Variants in FAM81A observed in about 807,000 individuals in gnomAD.
The protein encoded by FAM81A is family with sequence similarity 81 member A.
Under a neutral mutation model 46.7 loss-of-function variants are expected in FAM81A, and 19 were observed. The ratio of observed to expected loss-of-function variants is 0.41; its 90% CI spans 0.28 to 0.60. The LOEUF (loss-of-function observed/expected upper bound fraction) is 0.60, where lower values mean the gene tolerates loss of function less well. Ranked by LOEUF, FAM81A falls within the 20% of genes least tolerant of loss-of-function variation. FAM81A has a pLI of 0.34. For synonymous variants in FAM81A, 183 were observed against 152.9 expected (o/e 1.20, Z -1.45); for missense variants, 377 against 453.5 (o/e 0.83, Z 1.53).
intron 2 of FAM81A, among the ~76,000 whole-genome samples, chr15:59,419,844 C>T (rs2081163293): frequency 6.6e-6 from 1 of 152,190 alleles, no homozygotes; most frequent in South Asian, 2.1e-4. Flanking sequence ...CACCACTGTA[C>T]TCAAGCCTGG....
In FAM81A at chr15:59,514,332, G is replaced by C. The variant is rs1425545637; in HGVS notation, c.694G>C (p.Ala232Pro). 6.2e-7 allele frequency: 1 copy of C among 1,613,222 alleles called. No homozygotes were observed. Among genetic ancestry groups the C allele is most frequent in the South Asian group, 1.1e-5 (1 of 91,016 alleles). ...VEELSNQILSARSWLQQEQER... is the reference protein window; with the variant it reads ...VEELSNQILSPRSWLQQEQER... The stretch of plus-strand genomic sequence containing the variant: ...GGAACTCAGTAACCAGATATTATCT[G>C]CACGGAGTTGGTTGCAACAGGAACA... The change falls in exon 7 of 9, where the codon GCA becomes CCA. Residue 232 changes from alanine (A) to proline (P), a missense_variant. Physicochemically the swap from Ala to Pro is conservative, Grantham distance 27. Transcript: ENST00000288228.
In FAM81A at chr15:59,423,438, C is replaced by T. The variant is rs567465202; in HGVS notation, c.-78+21080C>T. Among the ~76,000 whole-genome samples the T allele has an allele frequency of 2.6e-3, 396 of 152,306 alleles. 3 individuals carry two copies. Among genetic ancestry groups the T allele is most frequent in the African/African-American group, 9.4e-3 (389 of 41,564 alleles). ...TATTAACTTTTGATAGAAAAGGACACTGCAGCTCAGAGATTTTAGCAAACT... is the reference window on the plus strand; with the variant it reads ...TATTAACTTTTGATAGAAAAGGACATTGCAGCTCAGAGATTTTAGCAAACT... On this transcript the variant is annotated intron_variant, in intron 2 of 4. Transcript: ENST00000558348.
chr15:59,452,343 A>T (rs1183961253), intron 1 of FAM81A, among the ~76,000 whole-genome samples: 1 of 152,250 alleles, frequency 6.6e-6, no homozygotes, highest in African/African-American at 2.4e-5. Flanking sequence ...ACTATCACAC[A>T]GGCATTAAAG....
chr15:59,412,682 G>A (rs1226030479), intron 2 of FAM81A, among the ~76,000 whole-genome samples: 2 of 150,486 alleles, frequency 1.3e-5, no homozygotes, highest in Non-Finnish European at 3.0e-5. Flanking sequence ...AGCTGTGATC[G>A]CACCATTGCA....
intron 3 of FAM81A, among the ~76,000 whole-genome samples, chr15:59,476,657 G>T (rs913014798): frequency 1.3e-5 from 2 of 151,962 alleles, no homozygotes; most frequent in Non-Finnish European, 2.9e-5. Flanking sequence ...GGGCCTGATG[G>T]CATGTGCCTG....
At chr15:59,410,899 C>T (rs150124189) in intron 2 of FAM81A, among the ~76,000 whole-genome samples, 142 of 152,134 alleles carry the variant, frequency 9.3e-4, no homozygotes, top group African/African-American at 3.3e-3. Context: ...TACAGGCATG[C>T]GTCACCACAC....
intron 2 of FAM81A, among the ~76,000 whole-genome samples, chr15:59,404,082 C>A (rs2081083903): frequency 6.6e-6 from 1 of 151,970 alleles, no homozygotes; most frequent in South Asian, 2.1e-4. Flanking sequence ...GGGGTTTCAC[C>A]ATGTTGGCCA....
At chr15:59,404,257 C>T (rs778443979) in intron 2 of FAM81A, among the ~76,000 whole-genome samples, 1 of 151,986 alleles carries the variant, frequency 6.6e-6, no homozygotes, top group Non-Finnish European at 1.5e-5. Context: ...GGAGACACAC[C>T]TATACACGAG....
At chr15:59,483,919 C>T (rs2081885750) in intron 3 of FAM81A, among the ~76,000 whole-genome samples, 1 of 152,164 alleles carries the variant, frequency 6.6e-6, no homozygotes, top group Non-Finnish European at 1.5e-5. Flanking sequence ...TAGGGGCGGG[C>T]TCGTTCCCCA....
intron 2 of FAM81A, chr15:59,406,861 T>C (rs1191671256): frequency 6.6e-6 from 1 of 151,888 alleles, no homozygotes; most frequent in East Asian, 1.9e-4. Context: ...GTAACTCCAC[T>C]TTTGCAAGAC....
chr15:59,518,368 G>C (rs547927651), intron 8 of FAM81A, among the ~76,000 whole-genome samples: 3 of 152,006 alleles, frequency 2.0e-5, no homozygotes, highest in Admixed American at 6.6e-5. Flanking sequence ...CTGTTGCCTA[G>C]GCCGGGGTGA....
At chr15:59,426,792 C>T (rs957462421) in intron 2 of FAM81A, among the ~76,000 whole-genome samples, 1 of 152,240 alleles carries the variant, frequency 6.6e-6, no homozygotes, top group African/African-American at 2.4e-5. Flanking sequence ...TACACTTCCC[C>T]CCTAAGCTTC....
At chr15:59,499,078 A>G (rs1475930963) in intron 4 of FAM81A, among the ~76,000 whole-genome samples, 1 of 152,174 alleles carries the variant, frequency 6.6e-6, no homozygotes, top group Non-Finnish European at 1.5e-5. Flanking sequence ...GGATTTTATC[A>G]AATGCTTTTT....
intron 3 of FAM81A, among the ~76,000 whole-genome samples, chr15:59,470,159 C>A (rs919398626): frequency 1.3e-5 from 2 of 152,144 alleles, no homozygotes; most frequent in Non-Finnish European, 2.9e-5. Context: ...TTCATTTCAA[C>A]CTTGTGAATC....
At chr15:59,504,095 T>A (rs1233701841) in intron 4 of FAM81A, among the ~76,000 whole-genome samples, 1 of 152,206 alleles carries the variant, frequency 6.6e-6, no homozygotes, top group African/African-American at 2.4e-5. Flanking sequence ...AAGCTTATGT[T>A]TGGACTGGAA....
chr15:59,419,769 G>A (rs2081162902), intron 2 of FAM81A, among the ~76,000 whole-genome samples: 1 of 152,154 alleles, frequency 6.6e-6, no homozygotes. Context: ...AACTACTTGG[G>A]AGGCTGAGGC....
At chr15:59,466,610 T>C (rs2081616776) in intron 3 of FAM81A, among the ~76,000 whole-genome samples, 1 of 151,704 alleles carries the variant, frequency 6.6e-6, no homozygotes, top group African/African-American at 2.4e-5. Flanking sequence ...ATGTTAGCCC[T>C]TTGTCAGATG....
intron 1 of FAM81A, among the ~76,000 whole-genome samples, chr15:59,455,724 C>T (rs1477646695): frequency 6.6e-6 from 1 of 152,144 alleles, no homozygotes; most frequent in African/African-American, 2.4e-5. Context: ...TCTGAAAAGC[C>T]ATCTCCGATA....
At chr15:59,408,715 G>C (rs1182322618) in intron 2 of FAM81A, among the ~76,000 whole-genome samples, 1 of 152,176 alleles carries the variant, frequency 6.6e-6, no homozygotes, top group East Asian at 1.9e-4. Context: ...TGTAATCCCA[G>C]CTACTCCGGA....
Sources: allele counts gnomAD v4.1 joint callset (sites outside exome capture counted in the v4.1 genomes callset), GRCh38; gene constraint gnomAD v4.1.1; transcripts MANE v1.5; gene names NCBI Gene and HGNC (gene_info 2026-07-23, HGNC 2026-07-21).